Variants in HK1 observed in about 807,000 individuals in gnomAD.
HK1 encodes hexokinase 1.
A neutral mutation model predicts 91.6 loss-of-function variants in HK1; 28 were observed. The ratio of observed to expected loss-of-function variants is 0.31; its 90% CI spans 0.23 to 0.42. The LOEUF (loss-of-function observed/expected upper bound fraction) is 0.42. Ranked by LOEUF, HK1 falls within the 10% of genes least tolerant of loss-of-function variation. The probability of loss-of-function intolerance (pLI) is 1.00; values close to 1 mark genes in which losing one functional copy is unlikely to be tolerated. For missense variants in HK1, 770 were observed against 1,219.8 expected (o/e 0.63, Z 5.49); for synonymous variants, 430 against 468.1 (o/e 0.92, Z 1.05).
chr10:69,348,270 C>T (rs1406419180), intron 2 of HK1, among the ~76,000 whole-genome samples: 3 of 152,170 alleles, frequency 2.0e-5, no homozygotes, highest in Non-Finnish European at 4.4e-5. Flanking sequence ...GAGCCATTTA[C>T]AGTGTAGTCA....
intron 13 of HK1, among the ~76,000 whole-genome samples, chr10:69,388,464 C>A (rs1378020760): frequency 6.6e-6 from 1 of 151,948 alleles, no homozygotes; most frequent in African/African-American, 2.4e-5. Flanking sequence ...AGAAAGGATA[C>A]CTGCTGATCT....
intron 1 of HK1, among the ~76,000 whole-genome samples, chr10:69,274,843 C>T (rs867170373): frequency 6.6e-6 from 1 of 152,118 alleles, no homozygotes; most frequent in South Asian, 2.1e-4. Context: ...GCTCACATGA[C>T]CATAAAAGCT....
intron 14 of HK1, among the ~76,000 whole-genome samples, chr10:69,391,369 G>C (rs754152860): frequency 6.6e-6 from 1 of 152,276 alleles, no homozygotes; most frequent in Non-Finnish European, 1.5e-5. Flanking sequence ...GGGGCTGGGC[G>C]TGGTGCCCAC....
intron 1 of HK1, among the ~76,000 whole-genome samples, chr10:69,322,437 G>C (rs1009657683): frequency 4.6e-5 from 7 of 152,184 alleles, no homozygotes; most frequent in African/African-American, 1.7e-4. Context: ...AATGGGTGCT[G>C]TTGAAGAGAG....
chr10:69,287,078 A>C (rs578188590), intron 2 of HK1, among the ~76,000 whole-genome samples: 1 of 152,296 alleles, frequency 6.6e-6, no homozygotes, highest in Admixed American at 6.5e-5. Flanking sequence ...ATAACATCAC[A>C]CAAGTATTTC....
chr10:69,299,853 G>A (rs904462729), intron 4 of HK1, among the ~76,000 whole-genome samples: 10 of 151,472 alleles, frequency 6.6e-5, no homozygotes, highest in Non-Finnish European at 5.9e-5. Flanking sequence ...GTAGAGATGA[G>A]GTTTTACCAT....
chr10:69,327,081 A>G (rs1471350151), intron 1 of HK1, among the ~76,000 whole-genome samples: 2 of 144,732 alleles, frequency 1.4e-5, no homozygotes, highest in African/African-American at 5.2e-5. Flanking sequence ...CTCAGCTCAC[A>G]GCAACCTCTG....
chr10:69,275,240 G>C (rs978969064), intron 1 of HK1, among the ~76,000 whole-genome samples: 3 of 150,462 alleles, frequency 2.0e-5, no homozygotes, highest in Non-Finnish European at 4.4e-5. Context: ...ACCTTTTAAG[G>C]CCGGGCACGG....
chr10:69,320,737 C>T (rs1846972616), intron 1 of HK1, among the ~76,000 whole-genome samples: 1 of 152,134 alleles, frequency 6.6e-6, no homozygotes, highest in African/African-American at 2.4e-5. Context: ...CCACACCCAC[C>T]ACCACCCACA....
At chr10:69,392,716 C>T (rs2278744) in intron 15 of HK1, among the ~76,000 whole-genome samples, 27,212 of 151,542 alleles carry the variant, frequency 0.18, 3,319 homozygotes, top group East Asian at 0.52. Flanking sequence ...CACCTAGTGG[C>T]CTTGTGGAGC....
intron 1 of HK1, among the ~76,000 whole-genome samples, chr10:69,274,712 G>A (rs182703997): frequency 6.6e-6 from 1 of 151,910 alleles, no homozygotes; most frequent in East Asian, 1.9e-4. Flanking sequence ...ATCTTTCTCT[G>A]AATTTCAATC....
At chr10:69,310,540 T>G (rs1251686891) in intron 5 of HK1, among the ~76,000 whole-genome samples, 1 of 152,090 alleles carries the variant, frequency 6.6e-6, no homozygotes, top group African/African-American at 2.4e-5. Flanking sequence ...CCTGCCTAGG[T>G]GTTGACATGA....
chr10:69,356,992 A>G (rs778721662), intron 2 of HK1, among the ~76,000 whole-genome samples: 2 of 152,214 alleles, frequency 1.3e-5, no homozygotes, highest in Non-Finnish European at 2.9e-5. Flanking sequence ...AAATGTACTC[A>G]ACACCATTAG....
chr10:69,325,338 A>G (rs1486951180), intron 1 of HK1, among the ~76,000 whole-genome samples: 1 of 150,668 alleles, frequency 6.6e-6, no homozygotes, highest in East Asian at 2.0e-4. Context: ...GGTGTGAGCC[A>G]CCACACCCGG....
chr10:69,339,143 A>G (rs1250400544), intron 1 of HK1, among the ~76,000 whole-genome samples: 1 of 150,574 alleles, frequency 6.6e-6, no homozygotes, highest in African/African-American at 2.5e-5. Context: ...AGTTTTCTGC[A>G]GGTGTCTCTA....
chr10:69,369,758 AG>A lies in HK1; in HGVS notation c.875+136del. On this transcript the variant is annotated intron_variant, in intron 7 of 17. Coordinates refer to ENST00000359426, the MANE Select transcript of HK1 (RefSeq NM_000188.3). The surrounding 1 kb of genome is among the most constrained non-coding windows in gnomAD (Gnocchi z 4.4). ...AAAAGCCTGTCACATTTTTTTTTTG[AG>A]GCGGAGTCTTGCTCTGTCACCCAGG... The A allele has an allele frequency of 1.1e-6, 1 of 884,120 alleles. No individual in the cohort carries two copies. Among genetic ancestry groups the A allele is most frequent in the Non-Finnish European group, 1.8e-6 (1 of 548,158 alleles). 54.8% of individuals were successfully genotyped at this position (884,120 alleles called of 1,614,324 possible). A position where few individuals can be genotyped will look rare whatever the true frequency, so the allele number is the denominator to read the frequency against.
chr10:69,384,579 G>A, intron 11 of HK1, 98 bp downstream of exon 11: 15 of 1,518,638 alleles, frequency 9.9e-6, no homozygotes, highest in Non-Finnish European at 1.4e-5. Flanking sequence ...TGCCCACATG[G>A]ATTTGTGTCC....
chr10:69,273,207 T>C (rs913674337), intron 1 of HK1, among the ~76,000 whole-genome samples: 4 of 151,702 alleles, frequency 2.6e-5, no homozygotes, highest in Admixed American at 2.6e-4. Context: ...CTTTTGTATT[T>C]TTATTTATTT....
At chr10:69,390,785 C>G (rs1375286274) in intron 14 of HK1, among the ~76,000 whole-genome samples, 1 of 152,206 alleles carries the variant, frequency 6.6e-6, no homozygotes, top group African/African-American at 2.4e-5. Flanking sequence ...CTCTCAGGTC[C>G]TGGCCCTAGC....
Sources: gnomAD v4.1 joint callset for allele counts (sites outside exome capture counted in the v4.1 genomes callset) on GRCh38, gnomAD v4.1.1 for gene constraint, Gnocchi (gnomAD v3.1) non-coding constraint, MANE v1.5 for transcripts, NCBI Gene and HGNC (gene_info 2026-07-23, HGNC 2026-07-21) for gene names.